The following SNTB2 variants were observed in gnomAD, a reference collection of about 807,000 sequenced individuals.
SNTB2 encodes syntrophin beta 2.
A neutral mutation model predicts 46.2 loss-of-function variants in SNTB2; 34 were observed. The ratio of observed to expected loss-of-function variants is 0.74; its 90% confidence interval spans 0.56 to 0.98. SNTB2 has a LOEUF of 0.98. SNTB2 is among the 50% of genes least tolerant of loss of function. The pLI, the probability that SNTB2 is intolerant of heterozygous loss-of-function variation, is 0.00. For missense variants in SNTB2, 603 were observed against 731.4 expected (o/e 0.82, Z 2.02); for synonymous variants, 290 against 312.6 (o/e 0.93, Z 0.76).
chr16:69,274,643 A>G (rs1000450176), intron 4 of SNTB2, among the ~76,000 whole-genome samples: 1 of 137,634 alleles, frequency 7.3e-6, no homozygotes, highest in African/African-American at 2.8e-5. Flanking sequence ...ACAGAGCGAG[A>G]CTCCATCTCA....
At chr16:69,253,229 G>A (rs1443541480) in intron 2 of SNTB2, among the ~76,000 whole-genome samples, 2 of 151,828 alleles carry the variant, frequency 1.3e-5, no homozygotes, top group Non-Finnish European at 2.9e-5. Context: ...TTTCTTCAAA[G>A]GTGGACTCTT....
rs542608004 is a variant in SNTB2, at chr16:69,213,656, C to T, written c.580+25910C>T. Among the ~76,000 whole-genome samples, 25 of 149,856 alleles carry T rather than the reference C, an allele frequency of 1.7e-4. No individual in the cohort carries two copies. The East Asian group carries it at 4.2e-3, about 25-fold the overall frequency. ...CTGGGAGTACAGGCGCGTGCCACCA[C>T]GCCCGGCTAATTTTTGTATTTTTAG... On this transcript the variant is annotated intron_variant, in intron 1 of 6. Coordinates refer to ENST00000336278, the MANE Select transcript of SNTB2 (RefSeq NM_006750.4).
At chr16:69,248,148 A>C (rs577325603) in intron 2 of SNTB2, among the ~76,000 whole-genome samples, 1 of 152,176 alleles carries the variant, frequency 6.6e-6, no homozygotes, top group Admixed American at 6.5e-5. Context: ...ACTGACTACT[A>C]TGTAAACACA....
intron 3 of SNTB2, among the ~76,000 whole-genome samples, chr16:69,265,833 A>G (rs75733410): frequency 4.2e-5 from 6 of 144,416 alleles, no homozygotes; most frequent in Non-Finnish European, 7.4e-5. Flanking sequence ...TGCCAAAGAA[A>G]AAAAAAAAAA....
At chr16:69,248,864 A>G (rs1464785629) in intron 2 of SNTB2, among the ~76,000 whole-genome samples, 1 of 148,272 alleles carries the variant, frequency 6.7e-6, no homozygotes, top group African/African-American at 2.5e-5. Context: ...TCTGTTAATC[A>G]TGGGCTTTTT....
chr16:69,197,063 A>G (rs1964112813), intron 1 of SNTB2, among the ~76,000 whole-genome samples: 1 of 151,976 alleles, frequency 6.6e-6, no homozygotes, highest in Admixed American at 6.6e-5. Context: ...TAATTAATCA[A>G]CTCATATTGA....
intron 3 of SNTB2, among the ~76,000 whole-genome samples, chr16:69,263,071 C>T (rs184964536): frequency 2.0e-5 from 3 of 151,946 alleles, no homozygotes; most frequent in Admixed American, 2.0e-4. Flanking sequence ...CCCATCTACC[C>T]CTTACCTCAG....
At chr16:69,298,764 C>T (rs557396731) in intron 5 of SNTB2, among the ~76,000 whole-genome samples, 8 of 152,058 alleles carry the variant, frequency 5.3e-5, no homozygotes, top group East Asian at 1.9e-4. Context: ...TCAAGTGATC[C>T]GCCCACCTCG....
At chr16:69,269,727 C>T (rs1266824325) in intron 3 of SNTB2, among the ~76,000 whole-genome samples, 3 of 152,080 alleles carry the variant, frequency 2.0e-5, no homozygotes, top group African/African-American at 4.8e-5. Flanking sequence ...GAAGATATTA[C>T]ACATCAGACA....
chr16:69,245,962 A>C, intron 2 of SNTB2, 147 bp downstream of exon 2: 2 of 823,868 alleles, frequency 2.4e-6, no homozygotes, highest in South Asian at 1.7e-5. Flanking sequence ...CCACATTTTA[A>C]GTTATTCTAC....
chr16:69,281,031 G>A (rs1567413820), intron 4 of SNTB2, among the ~76,000 whole-genome samples: 2 of 152,118 alleles, frequency 1.3e-5, no homozygotes, highest in African/African-American at 2.4e-5. Flanking sequence ...TCTCCTGACC[G>A]TGATCCGCCC....
At chr16:69,245,053 G>A (rs764897671) in intron 1 of SNTB2, among the ~76,000 whole-genome samples, 2 of 152,214 alleles carry the variant, frequency 1.3e-5, no homozygotes, top group East Asian at 3.8e-4. Flanking sequence ...TATATGGCTT[G>A]AGAAGACAGG....
At chr16:69,198,356 G>A (rs758946089) in intron 1 of SNTB2, among the ~76,000 whole-genome samples, 6 of 152,238 alleles carry the variant, frequency 3.9e-5, no homozygotes, top group Non-Finnish European at 8.8e-5. Context: ...CAATCCACCA[G>A]CCTCGGCCTC....
intron 1 of SNTB2, among the ~76,000 whole-genome samples, chr16:69,219,661 TTTC>T (rs1964380997): frequency 6.6e-6 from 1 of 152,212 alleles, no homozygotes; most frequent in South Asian, 2.1e-4. Flanking sequence ...TGGTTGTAAA[TTTC>T]TTCAATTATT....
At chr16:69,196,997 ATG>A (rs1380742131) in intron 1 of SNTB2, among the ~76,000 whole-genome samples, 9 of 151,918 alleles carry the variant, frequency 5.9e-5, no homozygotes, top group African/African-American at 1.9e-4. Context: ...TATCCAGTTA[ATG>A]TCTCTCAGTC....
chr16:69,275,447 T>TAA (rs531261714), intron 4 of SNTB2, among the ~76,000 whole-genome samples: 2 of 152,126 alleles, frequency 1.3e-5, no homozygotes, highest in African/African-American at 4.8e-5. Flanking sequence ...TGGATTAGAA[T>TAA]AAAAAAAGAC....
At chr16:69,236,144 T>C (rs928087485) in intron 1 of SNTB2, among the ~76,000 whole-genome samples, 2 of 152,094 alleles carry the variant, frequency 1.3e-5, no homozygotes, top group Non-Finnish European at 2.9e-5. Flanking sequence ...AATCTTTTGG[T>C]GGGTTTTCTT....
chr16:69,264,766 G>C (rs1964869186), intron 3 of SNTB2, among the ~76,000 whole-genome samples: 1 of 152,012 alleles, frequency 6.6e-6, no homozygotes, highest in Non-Finnish European at 1.5e-5. Context: ...GAAGATTAAG[G>C]GGAGAATCCT....
chr16:69,263,586 T>C (rs1318801020), intron 3 of SNTB2, among the ~76,000 whole-genome samples: 2 of 151,774 alleles, frequency 1.3e-5, no homozygotes, highest in Non-Finnish European at 1.5e-5. Flanking sequence ...GCTCAGCTAA[T>C]TTTGTATTTT....
Sources: allele counts gnomAD v4.1 joint callset (sites outside exome capture counted in the v4.1 genomes callset), GRCh38; gene constraint gnomAD v4.1.1; transcripts MANE v1.5; gene names NCBI Gene and HGNC (gene_info 2026-07-23, HGNC 2026-07-21).